ANTXR2: variants seen among roughly 807,000 people sequenced by gnomAD.
ANTXR2 encodes the protein anthrax toxin receptor 2.
In ANTXR2, 44 loss-of-function variants were observed where a neutral mutation model predicts 73.7. The observed-to-expected ratio is 0.60, with a 90% CI of 0.47 to 0.77. The LOEUF is 0.77. Among genes scored for constraint, ANTXR2 ranks in the 30% least tolerant of loss-of-function variants. The pLI is 0.00. For missense variants in ANTXR2, 604 were observed against 592.5 expected (o/e 1.02, Z -0.20); for synonymous variants, 217 against 205.9 (o/e 1.05, Z -0.46).
chr4:80,072,694 G>T lies in ANTXR2; in HGVS notation c.-134C>A. Reference sequence around the variant, plus strand: ...GAGCAGCTGAGACGCCGGCGCCTGCGGCAGCGGGACCCACCAGCTGACAGG... The same window carrying T: ...GAGCAGCTGAGACGCCGGCGCCTGCTGCAGCGGGACCCACCAGCTGACAGG... On this transcript the variant is annotated 5_prime_UTR_variant, in exon 1 of 17. Coordinates refer to ENST00000403729, the MANE Select transcript of ANTXR2 (RefSeq NM_058172.6). 2 of 1,344,384 alleles carry T rather than the reference G, an allele frequency of 1.5e-6. No individual in the cohort carries two copies. Among genetic ancestry groups the T allele is most frequent in the Non-Finnish European group, 9.5e-7 (1 of 1,052,702 alleles). The allele number at this position is 1,344,384 out of a possible 1,614,324, so 83.3% of individuals were successfully genotyped here.
At chr4:79,951,536 A>G (rs1728708145) in intron 16 of ANTXR2, among the ~76,000 whole-genome samples, 2 of 152,070 alleles carry the variant, frequency 1.3e-5, no homozygotes, top group Admixed American at 1.3e-4. Context: ...AGATAGCGCC[A>G]CTGCATTCCA....
At chr4:79,948,116 A>G (rs1272595777) in intron 16 of ANTXR2, among the ~76,000 whole-genome samples, 1 of 152,166 alleles carries the variant, frequency 6.6e-6, no homozygotes, top group Non-Finnish European at 1.5e-5. Flanking sequence ...TTCCATGAGT[A>G]CATTAGGACT....
chr4:80,006,408 A>G (rs899816501), intron 12 of ANTXR2, among the ~76,000 whole-genome samples: 8 of 151,990 alleles, frequency 5.3e-5, no homozygotes, highest in Non-Finnish European at 1.0e-4. Context: ...GTTTGCTATC[A>G]TTCACTTATA....
At chr4:79,964,155 T>C (rs538806447) in intron 16 of ANTXR2, among the ~76,000 whole-genome samples, 1 of 152,354 alleles carries the variant, frequency 6.6e-6, no homozygotes, top group African/African-American at 2.4e-5. Context: ...GTCTGCTTGC[T>C]GGTGAGGAGA....
At chr4:80,049,454 A>T (rs1316726120) in intron 7 of ANTXR2, among the ~76,000 whole-genome samples, 1 of 151,786 alleles carries the variant, frequency 6.6e-6, no homozygotes, top group Non-Finnish European at 1.5e-5. Flanking sequence ...AGTGAAAAAG[A>T]GAATATATAT....
At chr4:79,919,351 A>T (rs1727474503) in intron 16 of ANTXR2, among the ~76,000 whole-genome samples, 1 of 152,154 alleles carries the variant, frequency 6.6e-6, no homozygotes, top group Non-Finnish European at 1.5e-5. Context: ...ATTCATAGTT[A>T]TATAATGTGA....
intron 10 of ANTXR2, among the ~76,000 whole-genome samples, chr4:80,022,948 T>C (rs1320002210): frequency 1.3e-5 from 2 of 152,164 alleles, no homozygotes; most frequent in South Asian, 2.1e-4. Context: ...TAAAATAATA[T>C]ACATAAAATA....
intron 7 of ANTXR2, among the ~76,000 whole-genome samples, chr4:80,051,875 A>G (rs1733787192): frequency 6.6e-6 from 1 of 151,696 alleles, no homozygotes; most frequent in African/African-American, 2.4e-5. Context: ...TGATGTCTTA[A>G]CAATATATGA....
chr4:80,034,115 T>A (rs1451009172), intron 8 of ANTXR2, among the ~76,000 whole-genome samples: 1 of 152,112 alleles, frequency 6.6e-6, no homozygotes, highest in African/African-American at 2.4e-5. Context: ...TTCAAACCTA[T>A]AAATAATCAA....
At chr4:80,000,956 T>C (rs1466644040) in intron 12 of ANTXR2, among the ~76,000 whole-genome samples, 2 of 152,056 alleles carry the variant, frequency 1.3e-5, no homozygotes, top group Non-Finnish European at 2.9e-5. Context: ...TGGATCTCTG[T>C]TGTCAAATGA....
intron 7 of ANTXR2, among the ~76,000 whole-genome samples, chr4:80,036,771 G>C (rs1732993809): frequency 6.6e-6 from 1 of 152,094 alleles, no homozygotes; most frequent in South Asian, 2.1e-4. Context: ...CTGGACGACA[G>C]AGCAAGCCTC....
intron 12 of ANTXR2, among the ~76,000 whole-genome samples, chr4:79,987,274 GAAA>G (rs58238337): frequency 0.091 from 10,800 of 118,482 alleles, 522 homozygotes; most frequent in Middle Eastern, 0.27. Flanking sequence ...GCCATTTTAA[GAAA>G]AAAAAAAAAA....
intron 10 of ANTXR2, among the ~76,000 whole-genome samples, chr4:80,029,078 G>A (rs1374148712): frequency 2.0e-5 from 3 of 152,050 alleles, no homozygotes; most frequent in Admixed American, 2.0e-4. Flanking sequence ...AATGAATGAT[G>A]ATTTCTCATG....
intron 16 of ANTXR2, among the ~76,000 whole-genome samples, chr4:79,966,043 G>T (rs1729348026): frequency 6.6e-6 from 1 of 151,844 alleles, no homozygotes; most frequent in Non-Finnish European, 1.5e-5. Flanking sequence ...GAGCCCAATT[G>T]TAGGTATATG....
intron 10 of ANTXR2, among the ~76,000 whole-genome samples, chr4:80,028,675 C>T (rs4333130): frequency 0.6 from 90,554 of 152,014 alleles, 28,606 homozygotes; most frequent in East Asian, 0.93. Flanking sequence ...ATGTGTTTAT[C>T]TGAAACATAG....
intron 16 of ANTXR2, among the ~76,000 whole-genome samples, chr4:79,917,706 C>T (rs1011717244): frequency 6.6e-6 from 1 of 152,054 alleles, no homozygotes; most frequent in African/African-American, 2.4e-5. Context: ...AACTTAACTA[C>T]AGATTAGCAA....
At chr4:79,957,680 T>C (rs1266962147) in intron 16 of ANTXR2, among the ~76,000 whole-genome samples, 1 of 152,096 alleles carries the variant, frequency 6.6e-6, no homozygotes, top group African/African-American at 2.4e-5. Flanking sequence ...TTTTGAAGTT[T>C]AGAGCCTTAT....
At chr4:80,060,056 A>C (rs1190422254) in intron 3 of ANTXR2, among the ~76,000 whole-genome samples, 1 of 148,466 alleles carries the variant, frequency 6.7e-6, no homozygotes, top group Non-Finnish European at 1.5e-5. Flanking sequence ...CCAGATTTCA[A>C]AGCTCTTTCA....
At chr4:80,038,666 C>A (rs1193843213) in intron 7 of ANTXR2, among the ~76,000 whole-genome samples, 1 of 151,816 alleles carries the variant, frequency 6.6e-6, no homozygotes, top group Non-Finnish European at 1.5e-5. Context: ...ATTCAATATT[C>A]ATAATTATTT....
Sources: gnomAD v4.1 joint callset for allele counts (sites outside exome capture counted in the v4.1 genomes callset) on GRCh38, gnomAD v4.1.1 for gene constraint, MANE v1.5 for transcripts, NCBI Gene and HGNC (gene_info 2026-07-23, HGNC 2026-07-21) for gene names.